MTUS2: variants seen among roughly 807,000 people sequenced by gnomAD.
MTUS2 encodes microtubule associated scaffold protein 2, also known as microtubule-associated tumor suppressor candidate 2.
A neutral mutation model predicts 114.1 loss-of-function variants in MTUS2; 40 were observed. The ratio of observed to expected loss-of-function variants is 0.35; its 90% CI spans 0.27 to 0.46. The LOEUF is 0.46. MTUS2 is among the 20% of genes least tolerant of loss of function. MTUS2 has a pLI of 1.00. For missense variants in MTUS2, 1,679 were observed against 1,705.4 expected (o/e 0.98, Z 0.27); for synonymous variants, 688 against 672.0 (o/e 1.02, Z -0.37).
chr13:29,059,372 G>T (rs1439532805), intron 4 of MTUS2, among the ~76,000 whole-genome samples: 1 of 151,572 alleles, frequency 6.6e-6, no homozygotes, highest in Admixed American at 6.6e-5. Flanking sequence ...CTGTCTCCAT[G>T]ACCACATTTC....
chr13:29,083,241 G>A (rs1889525436), intron 4 of MTUS2, among the ~76,000 whole-genome samples: 1 of 152,294 alleles, frequency 6.6e-6, no homozygotes, highest in Admixed American at 6.5e-5. Flanking sequence ...GAACTCCTTG[G>A]TGAGTTTTTA....
intron 4 of MTUS2, among the ~76,000 whole-genome samples, chr13:29,074,392 A>G (rs1013994764): frequency 2.6e-5 from 4 of 152,156 alleles, no homozygotes; most frequent in Non-Finnish European, 4.4e-5. Context: ...TGCCTCCGTC[A>G]TGCCACTTAG....
At chr13:29,453,401 T>C (rs759252899) in intron 9 of MTUS2, among the ~76,000 whole-genome samples, 5 of 152,174 alleles carry the variant, frequency 3.3e-5, no homozygotes, top group Non-Finnish European at 7.4e-5. Context: ...ATAAACTTGA[T>C]TGAACACAGA....
At chr13:29,161,920 G>A (rs915238148) in intron 5 of MTUS2, among the ~76,000 whole-genome samples, 11 of 152,156 alleles carry the variant, frequency 7.2e-5, no homozygotes, top group East Asian at 3.9e-4. Context: ...ACATGCTCTC[G>A]TGGCTTTAAC....
At chr13:28,904,104 G>T (rs972936402) in intron 2 of MTUS2, among the ~76,000 whole-genome samples, 66 of 152,004 alleles carry the variant, frequency 4.3e-4, no homozygotes, top group Admixed American at 2.0e-4. Context: ...TGTTGATGGG[G>T]TTGTTTGTTT....
At chr13:29,081,139 G>A (rs2138729468) in intron 4 of MTUS2, among the ~76,000 whole-genome samples, 1 of 152,286 alleles carries the variant, frequency 6.6e-6, no homozygotes, top group South Asian at 2.1e-4. Flanking sequence ...TTGGCTTGGA[G>A]TTTTTATTGA....
At chr13:29,081,034 A>G (rs1025281499) in intron 4 of MTUS2, among the ~76,000 whole-genome samples, 1 of 152,144 alleles carries the variant, frequency 6.6e-6, no homozygotes, top group Middle Eastern at 3.2e-3. Context: ...CCCAGATGTT[A>G]ATCTCCTTTG....
chr13:28,877,098 C>A (rs1328486060), intron 2 of MTUS2, among the ~76,000 whole-genome samples: 14 of 150,116 alleles, frequency 9.3e-5, no homozygotes, highest in Non-Finnish European at 1.6e-4. Flanking sequence ...CAAGACCACC[C>A]TGGCTATGAT....
chr13:29,217,662 T>G (rs555422749), intron 5 of MTUS2, among the ~76,000 whole-genome samples: 1 of 152,254 alleles, frequency 6.6e-6, no homozygotes, highest in Non-Finnish European at 1.5e-5. Flanking sequence ...TTACAATGAC[T>G]GATTCTTCCT....
At chr13:29,430,642 G>A (rs4129791) in intron 8 of MTUS2, among the ~76,000 whole-genome samples, 28,350 of 152,060 alleles carry the variant, frequency 0.19, 3,082 homozygotes, top group East Asian at 0.48. Context: ...ATTTTCACAG[G>A]TGCTCTTTTA....
intron 5 of MTUS2, among the ~76,000 whole-genome samples, chr13:29,125,089 G>T (rs1451003569): frequency 6.6e-6 from 1 of 152,176 alleles, no homozygotes; most frequent in Admixed American, 6.5e-5. Flanking sequence ...ATTATATTAT[G>T]TGAATTTTAC....
At chr13:28,999,731 C>T (rs1280471272) in intron 2 of MTUS2, among the ~76,000 whole-genome samples, 2 of 152,164 alleles carry the variant, frequency 1.3e-5, no homozygotes. Flanking sequence ...TTCCTCCTAA[C>T]TGTAACTTTG....
At chr13:29,478,040 A>G (rs1223659902) in intron 9 of MTUS2, among the ~76,000 whole-genome samples, 1 of 152,246 alleles carries the variant, frequency 6.6e-6, no homozygotes, top group South Asian at 2.1e-4. Context: ...AGAAGAAAAC[A>G]TCAGATGCAC....
rs867832749 is a variant in MTUS2 at position 29,389,561 on chromosome 13, A to G, written c.3117+30088A>G. On this transcript the variant is annotated intron_variant, in intron 8 of 15. Transcript: ENST00000612955. Reference sequence around the variant, plus strand: ...CGTGTGTATATGTATACACGTGTGTATATGTGTACATATGTGTGTATACGT... The same window carrying G: ...CGTGTGTATATGTATACACGTGTGTGTATGTGTACATATGTGTGTATACGT... 3.3e-3 allele frequency among the ~76,000 whole-genome samples: 157 copies of G among 48,080 alleles called. 16 individuals carry two copies. Among genetic ancestry groups the G allele is most frequent in the African/African-American group, 4.8e-3 (68 of 14,240 alleles). The allele number at this position is 48,080 out of a possible 152,430, so 31.5% of individuals were successfully genotyped here. A position where few individuals can be genotyped will look rare whatever the true frequency, so the allele number is the denominator to read the frequency against.
chr13:29,277,900 G>T (rs912116072), intron 5 of MTUS2, among the ~76,000 whole-genome samples: 2 of 152,190 alleles, frequency 1.3e-5, no homozygotes, highest in African/African-American at 4.8e-5. Flanking sequence ...GAGCATGCAA[G>T]GCAGCAGCCC....
intron 5 of MTUS2, among the ~76,000 whole-genome samples, chr13:29,260,793 C>G (rs1426668004): frequency 6.6e-6 from 1 of 152,196 alleles, no homozygotes; most frequent in Non-Finnish European, 1.5e-5. Flanking sequence ...CAGTATTCCC[C>G]TTGGAGGACA....
chr13:29,363,181 T>A (rs990230703), intron 8 of MTUS2, among the ~76,000 whole-genome samples: 1 of 152,126 alleles, frequency 6.6e-6, no homozygotes. Flanking sequence ...ATGCTACTCT[T>A]TAGCATCCCC....
intron 2 of MTUS2, among the ~76,000 whole-genome samples, chr13:28,959,120 TGGATACAGA>T (rs1393069980): frequency 6.6e-6 from 1 of 152,060 alleles, no homozygotes; most frequent in African/African-American, 2.4e-5. Context: ...GAAGAGCCCA[TGGATACAGA>T]GGAAAAAGCC....
At chr13:29,011,792 G>A (rs1185120121) in intron 2 of MTUS2, among the ~76,000 whole-genome samples, 1 of 152,146 alleles carries the variant, frequency 6.6e-6, no homozygotes, top group Non-Finnish European at 1.5e-5. Context: ...TTTCCATTTA[G>A]TTGGAGGGTT....
Sources: allele counts gnomAD v4.1 joint callset (sites outside exome capture counted in the v4.1 genomes callset), GRCh38; gene constraint gnomAD v4.1.1; transcripts MANE v1.5; gene names NCBI Gene and HGNC (gene_info 2026-07-23, HGNC 2026-07-21).